Variants in RGS22 observed in about 807,000 individuals in gnomAD.
The protein encoded by RGS22 is regulator of G protein signaling 22, also known as regulator of G-protein signaling 22.
A neutral mutation model predicts 172.9 loss-of-function variants in RGS22; 148 were observed. That is an observed-to-expected ratio of 0.86 (90% CI 0.75 to 0.98). The LOEUF is 0.98. Ranked by LOEUF, RGS22 falls within the 50% of genes least tolerant of loss-of-function variation. The pLI is 0.00. For synonymous variants in RGS22, 458 were observed against 480.2 expected (o/e 0.95, Z 0.60); for missense variants, 1,347 against 1,440.8 (o/e 0.93, Z 1.05).
intron 13 of RGS22, 59 bp downstream of exon 13, chr8:100,039,903 T>G: frequency 9.6e-7 from 1 of 1,040,536 alleles, no homozygotes; most frequent in East Asian, 3.0e-5. Flanking sequence ...ATTATTTTGA[T>G]GTCTCATTTT....
At chr8:100,096,908 A>T (rs1813022586) in intron 2 of RGS22, among the ~76,000 whole-genome samples, 1 of 152,174 alleles carries the variant, frequency 6.6e-6, no homozygotes. Context: ...TCCAAGAAAG[A>T]ATGTGATACA....
chr8:99,976,572 A>C (rs538877396), intron 23 of RGS22, among the ~76,000 whole-genome samples: 1 of 152,154 alleles, frequency 6.6e-6, no homozygotes, highest in Non-Finnish European at 1.5e-5. Context: ...CGTGTTAGCC[A>C]GGATGGTCTC....
chr8:99,967,533 G>A (rs890671879), intron 23 of RGS22, among the ~76,000 whole-genome samples: 1 of 152,150 alleles, frequency 6.6e-6, no homozygotes, highest in African/African-American at 2.4e-5. Context: ...TGGGACACTC[G>A]AGCTTGGTAG....
chr8:100,053,414 C>A (rs1170203620), intron 9 of RGS22, among the ~76,000 whole-genome samples: 2 of 112,262 alleles, frequency 1.8e-5, no homozygotes, highest in Non-Finnish European at 3.3e-5. Context: ...AAGAGCAAAA[C>A]TCCATCTAAA....
At chr8:100,021,256 A>G (rs1394407317) in intron 14 of RGS22, among the ~76,000 whole-genome samples, 1 of 152,222 alleles carries the variant, frequency 6.6e-6, no homozygotes, top group Non-Finnish European at 1.5e-5. Flanking sequence ...ACAGACATCC[A>G]TTTAAAAAAA....
At chr8:100,018,989 C>CAAAA (rs5893504) in intron 14 of RGS22, among the ~76,000 whole-genome samples, 1 of 146,908 alleles carries the variant, frequency 6.8e-6, no homozygotes, top group Non-Finnish European at 1.5e-5. Context: ...ATGTCAAAAG[C>CAAAA]AAAAAAAAAA....
At chr8:100,005,788 C>A (rs527821269) in intron 16 of RGS22, among the ~76,000 whole-genome samples, 1 of 152,272 alleles carries the variant, frequency 6.6e-6, no homozygotes, top group Admixed American at 6.5e-5. Flanking sequence ...AAATGAGTGG[C>A]CTGGCTCCCT....
intron 3 of RGS22, among the ~76,000 whole-genome samples, chr8:100,083,349 T>G (rs1161469824): frequency 6.6e-6 from 1 of 152,198 alleles, no homozygotes; most frequent in Non-Finnish European, 1.5e-5. Flanking sequence ...AGGGCAGTAT[T>G]TAAAGCAGGT....
At chr8:100,093,367 T>A (rs2131998671) in intron 3 of RGS22, 80 bp downstream of exon 3, 1 of 765,880 alleles carries the variant, frequency 1.3e-6, no homozygotes, top group Non-Finnish European at 2.2e-6. Context: ...CCCTGATAAA[T>A]TGGTTTCACA....
intron 3 of RGS22, among the ~76,000 whole-genome samples, chr8:100,090,914 G>A (rs541584024): frequency 6.6e-6 from 1 of 152,064 alleles, no homozygotes; most frequent in Non-Finnish European, 1.5e-5. Flanking sequence ...ACAGGGTTTT[G>A]AACAGAGCAG....
intron 10 of RGS22, among the ~76,000 whole-genome samples, chr8:100,048,363 T>C (rs1224202523): frequency 2.0e-5 from 3 of 152,150 alleles, no homozygotes; most frequent in African/African-American, 4.8e-5. Context: ...AATAAGTTAG[T>C]AGTTGTCTGG....
intron 14 of RGS22, among the ~76,000 whole-genome samples, chr8:100,035,637 T>C (rs1383585257): frequency 1.3e-5 from 2 of 152,218 alleles, no homozygotes; most frequent in African/African-American, 4.8e-5. Flanking sequence ...TAAATCATGC[T>C]ACTATAAAGA....
chr8:99,985,002 T>C (rs1812935856), intron 21 of RGS22, among the ~76,000 whole-genome samples: 1 of 152,190 alleles, frequency 6.6e-6, no homozygotes, highest in African/African-American at 2.4e-5. Context: ...CTGGGTTCTT[T>C]CCAACTTTTC....
At position 100,051,736 on chromosome 8, in the gene RGS22, T is replaced by A. The variant is rs1441075514; in HGVS notation, c.1689+1066A>T. On this transcript the variant is annotated intron_variant, in intron 10 of 27. Transcript: ENST00000360863. ...AAATATATATTTATATATACGTATA[T>A]ATAAATATATATTTATATATTTATA... Among the ~76,000 whole-genome samples, 4 of 86,972 alleles carry A rather than the reference T, an allele frequency of 4.6e-5. 1 individual carries two copies. The highest frequency in any genetic ancestry group is 8.0e-5 in the Non-Finnish European group (4 of 50,240). The allele number at this position is 86,972 out of a possible 152,430, so 57.1% of individuals were successfully genotyped here. A position where few individuals can be genotyped will look rare whatever the true frequency, so the allele number is the denominator to read the frequency against.
chr8:100,066,231 G>T lies in RGS22; in HGVS notation c.660C>A (p.Thr220=). 6.2e-7 allele frequency: 1 copy of T among 1,613,044 alleles called. No homozygotes were observed. The highest frequency in any genetic ancestry group is 1.1e-5 in the South Asian group (1 of 91,046). ...LAKQSQQTVS[T]FSLPCCVPYN... is the part of the protein sequence containing the mutation. ...AGGGTACACAACAGGGTAACGAAAA[G>T]GTTGATACTGTTTGCTGACTTTGTT... The change falls in exon 7 of 28, where the codon ACC becomes ACA. Residue 220 remains threonine (T), a synonymous_variant. Coordinates refer to ENST00000360863, the MANE Select transcript of RGS22 (RefSeq NM_015668.5).
chr8:100,003,687 A>G (rs868659761), intron 17 of RGS22, among the ~76,000 whole-genome samples: 1 of 152,150 alleles, frequency 6.6e-6, no homozygotes, highest in South Asian at 2.1e-4. Context: ...TAACTTAGCC[A>G]ATGCTGAAAG....
intron 3 of RGS22, among the ~76,000 whole-genome samples, chr8:100,084,937 C>T (rs1318012876): frequency 1.3e-5 from 2 of 152,062 alleles, no homozygotes; most frequent in Non-Finnish European, 2.9e-5. Context: ...CAAATATGTC[C>T]CCAGTGACAA....
chr8:100,093,980 G>T (rs1812778944), intron 2 of RGS22, among the ~76,000 whole-genome samples: 1 of 152,154 alleles, frequency 6.6e-6, no homozygotes, highest in Non-Finnish European at 1.5e-5. Context: ...TAAAGGAAGT[G>T]AAGAAAATGT....
chr8:100,031,940 T>A (rs1818861174), intron 14 of RGS22, among the ~76,000 whole-genome samples: 1 of 152,162 alleles, frequency 6.6e-6, no homozygotes, highest in Non-Finnish European at 1.5e-5. Flanking sequence ...GAAGGAGAAA[T>A]AAAATCCTTT....
Sources: allele counts gnomAD v4.1 joint callset (sites outside exome capture counted in the v4.1 genomes callset), GRCh38; gene constraint gnomAD v4.1.1; transcripts MANE v1.5; gene names NCBI Gene and HGNC (gene_info 2026-07-23, HGNC 2026-07-21).